The following CBFA2T2 variants were observed in gnomAD, a reference collection of about 807,000 sequenced individuals.
CBFA2T2 encodes the protein protein CBFA2T2.
A neutral mutation model predicts 62.2 loss-of-function variants in CBFA2T2; 11 were observed. That is an observed-to-expected ratio of 0.18 (90% CI 0.11 to 0.29). CBFA2T2 has a LOEUF of 0.29. Ranked by LOEUF, CBFA2T2 falls within the 10% of genes least tolerant of loss-of-function variation. The pLI, the probability that CBFA2T2 is intolerant of heterozygous loss-of-function variation, is 1.00. For missense variants in CBFA2T2, 592 were observed against 774.1 expected (o/e 0.76, Z 2.79); for synonymous variants, 295 against 287.5 (o/e 1.03, Z -0.27).
At chr20:33,557,189 A>G (rs961029182) in intron 1 of CBFA2T2, among the ~76,000 whole-genome samples, 14 of 151,280 alleles carry the variant, frequency 9.3e-5, no homozygotes, top group African/African-American at 3.4e-4. Flanking sequence ...TAATTTTTGT[A>G]TTTTTAGTAG....
At chr20:33,607,827 A>G (rs767569266) in intron 2 of CBFA2T2, among the ~76,000 whole-genome samples, 18 of 152,246 alleles carry the variant, frequency 1.2e-4, no homozygotes, top group Admixed American at 4.6e-4. Context: ...TAAGACTTCA[A>G]TGTATGAATT....
chr20:33,592,574 A>G (rs2014709073), intron 1 of CBFA2T2, among the ~76,000 whole-genome samples: 1 of 151,990 alleles, frequency 6.6e-6, no homozygotes, highest in Non-Finnish European at 1.5e-5. Context: ...AATTCATGCA[A>G]CATCGCCAGG....
chr20:33,491,014 G>A (rs1398010815), intron 1 of CBFA2T2, among the ~76,000 whole-genome samples: 2 of 152,144 alleles, frequency 1.3e-5, no homozygotes, highest in South Asian at 4.1e-4. Context: ...ATTTTGTTTT[G>A]TTGTCTGTTA....
chr20:33,613,214 T>C (rs1420763940), intron 3 of CBFA2T2, among the ~76,000 whole-genome samples: 2 of 152,378 alleles, frequency 1.3e-5, no homozygotes, highest in Non-Finnish European at 2.9e-5. Flanking sequence ...CATTGCTATA[T>C]AGTGTCATAT....
chr20:33,556,031 A>C (rs1487831650), intron 1 of CBFA2T2, among the ~76,000 whole-genome samples: 1 of 152,122 alleles, frequency 6.6e-6, no homozygotes, highest in Non-Finnish European at 1.5e-5. Flanking sequence ...ATGCCTGGCT[A>C]ATTTTTTTTA....
At chr20:33,514,512 A>G (rs1188551381) in intron 1 of CBFA2T2, among the ~76,000 whole-genome samples, 2 of 151,994 alleles carry the variant, frequency 1.3e-5, no homozygotes, top group Non-Finnish European at 1.5e-5. Context: ...CAAGGAGGCT[A>G]GCATGGCTGG....
intron 1 of CBFA2T2, among the ~76,000 whole-genome samples, chr20:33,555,929 A>G (rs549573295): frequency 6.6e-6 from 1 of 152,288 alleles, no homozygotes; most frequent in East Asian, 1.9e-4. Flanking sequence ...GCAGTGGTGC[A>G]ATAATGGCTC....
At chr20:33,567,378 G>A (rs1039727174) in intron 1 of CBFA2T2, among the ~76,000 whole-genome samples, 8 of 152,150 alleles carry the variant, frequency 5.3e-5, no homozygotes, top group Non-Finnish European at 7.3e-5. Context: ...CTGGAGCTCT[G>A]CAGTAAATGG....
chr20:33,594,588 A>C (rs924901662), intron 1 of CBFA2T2, among the ~76,000 whole-genome samples: 1 of 152,186 alleles, frequency 6.6e-6, no homozygotes, highest in Non-Finnish European at 1.5e-5. Flanking sequence ...CAAATGCTGG[A>C]ACCCAAGAGA....
At chr20:33,620,836 AAAGT>A (rs2015932269) in intron 4 of CBFA2T2, among the ~76,000 whole-genome samples, 1 of 152,234 alleles carries the variant, frequency 6.6e-6, no homozygotes, top group Non-Finnish European at 1.5e-5. Flanking sequence ...TCAAAAAAGA[AAAGT>A]AAGCTGCAGA....
chr20:33,614,728 A>G (rs207477535), intron 3 of CBFA2T2, among the ~76,000 whole-genome samples: 1 of 152,338 alleles, frequency 6.6e-6, no homozygotes, highest in South Asian at 2.1e-4. Context: ...GTTATAGCAT[A>G]TGTCAGACTT....
chr20:33,516,412 G>A (rs1175136697), intron 1 of CBFA2T2, among the ~76,000 whole-genome samples: 2 of 152,250 alleles, frequency 1.3e-5, no homozygotes, highest in African/African-American at 2.4e-5. Flanking sequence ...AGAGGTTACA[G>A]TGAGCTGAGA....
chr20:33,573,713 C>T (rs1468467440), intron 1 of CBFA2T2, among the ~76,000 whole-genome samples: 1 of 151,996 alleles, frequency 6.6e-6, no homozygotes, highest in African/African-American at 2.4e-5. Flanking sequence ...AACTCCTGAC[C>T]TCGTGATCCG....
At chr20:33,560,712 G>T (rs1216094590) in intron 1 of CBFA2T2, among the ~76,000 whole-genome samples, 1 of 152,126 alleles carries the variant, frequency 6.6e-6, no homozygotes, top group East Asian at 1.9e-4. Context: ...AAGGTTAAGG[G>T]TTAGAGAATT....
intron 1 of CBFA2T2, among the ~76,000 whole-genome samples, chr20:33,514,868 T>G (rs971576860): frequency 6.6e-6 from 1 of 151,594 alleles, no homozygotes; most frequent in Non-Finnish European, 1.5e-5. Context: ...GGCTGATTTT[T>G]TAATTATTAG....
At chr20:33,580,116 C>T (rs2014045037) in intron 1 of CBFA2T2, among the ~76,000 whole-genome samples, 1 of 151,908 alleles carries the variant, frequency 6.6e-6, no homozygotes, top group Non-Finnish European at 1.5e-5. Context: ...TGCGCCTGGC[C>T]TCTTTTTTCT....
intron 10 of CBFA2T2, among the ~76,000 whole-genome samples, chr20:33,642,821 T>G (rs2016905591): frequency 6.6e-6 from 1 of 152,208 alleles, no homozygotes; most frequent in South Asian, 2.1e-4. Flanking sequence ...AGTATAGCTT[T>G]TGGCTTAGAG....
At chr20:33,500,227 T>G (rs1052063504) in intron 1 of CBFA2T2, among the ~76,000 whole-genome samples, 1 of 152,012 alleles carries the variant, frequency 6.6e-6, no homozygotes, top group Admixed American at 6.6e-5. Flanking sequence ...AGTGGTGGGA[T>G]TATAGACGTG....
chr20:33,525,125 TGC>T (rs1275202453), intron 1 of CBFA2T2, among the ~76,000 whole-genome samples: 1 of 151,964 alleles, frequency 6.6e-6, no homozygotes, highest in African/African-American at 2.4e-5. Flanking sequence ...CGTAAGCCAG[TGC>T]ACCCGGCCGC....
Sources: allele counts gnomAD v4.1 joint callset (sites outside exome capture counted in the v4.1 genomes callset), GRCh38; gene constraint gnomAD v4.1.1; transcripts MANE v1.5; gene names NCBI Gene and HGNC (gene_info 2026-07-23, HGNC 2026-07-21).